The following ITK variants were observed in gnomAD, a reference collection of about 807,000 sequenced individuals.
The protein encoded by ITK is tyrosine-protein kinase ITK/TSK.
ITK carries 45 observed loss-of-function variants against 87.6 expected under a neutral mutation model. The ratio of observed to expected loss-of-function variants is 0.51; its 90% confidence interval spans 0.40 to 0.66. ITK has a LOEUF of 0.66. ITK is among the 30% of genes least tolerant of loss of function. The pLI, the probability that ITK is intolerant of heterozygous loss-of-function variation, is 0.00. For synonymous variants in ITK, 303 were observed against 273.6 expected, an observed-to-expected ratio of 1.11 and a Z score of -1.06; for missense variants, 605 against 766.3, an observed-to-expected ratio of 0.79 and a Z score of 2.48.
chr5:157,249,160 A>G (rs1432042460), intron 16 of ITK, among the ~76,000 whole-genome samples, 153 bp downstream of exon 16: 1 of 152,256 alleles, frequency 6.6e-6, no homozygotes, highest in Non-Finnish European at 1.5e-5. Context: ...TGTTAACGGG[A>G]TAGATCCCCC....
Position 157,224,301 on chromosome 5 carries a change from G to A in ITK, c.647+1287G>A, listed in dbSNP as rs906641934. 2.6e-5 allele frequency: 4 copies of A among 151,246 alleles called. No homozygotes were observed. The Middle Eastern group carries it at 0.014, about 518-fold the overall frequency. The allele number at this position is 151,246 out of a possible 1,614,324, so 9.4% of individuals were successfully genotyped here. A position where few individuals can be genotyped will look rare whatever the true frequency, so the allele number is the denominator to read the frequency against. On this transcript the variant is annotated intron_variant, in intron 6 of 16. Coordinates refer to ENST00000422843, the MANE Select transcript of ITK (RefSeq NM_005546.4). ...TCTGTCTCAAAAAAAAAAAAAAAGT[G>A]ATCACTATTAATACCTTCTTGTGTA...
At chr5:157,249,167 C>A in intron 16 of ITK, among the ~76,000 whole-genome samples, 160 bp downstream of exon 16, 1 of 152,174 alleles carries the variant, frequency 6.6e-6, no homozygotes, top group East Asian at 1.9e-4. Context: ...GGGATAGATC[C>A]CCCATCCCTA....
chr5:157,198,786 G>A (rs1168476644), intron 1 of ITK, among the ~76,000 whole-genome samples: 1 of 152,132 alleles, frequency 6.6e-6, no homozygotes, highest in East Asian at 1.9e-4. Flanking sequence ...TGTTTTGTTT[G>A]AGACAGTGTC....
At chr5:157,226,053 G>A (rs1283170985) in intron 6 of ITK, among the ~76,000 whole-genome samples, 1 of 152,176 alleles carries the variant, frequency 6.6e-6, no homozygotes, top group Non-Finnish European at 1.5e-5. Flanking sequence ...GTGGTATAGT[G>A]GAAAGCACAC....
chr5:157,214,801 A>G (rs1199743217), intron 4 of ITK, among the ~76,000 whole-genome samples: 1 of 152,096 alleles, frequency 6.6e-6, no homozygotes, highest in East Asian at 1.9e-4. Context: ...CACAAATTCA[A>G]CTCTATACCC....
rs546237558 is a variant in ITK, at chr5:157,248,569, A to G, written c.1634-281A>G. 3.3e-5 allele frequency among the ~76,000 whole-genome samples: 5 copies of G among 152,246 alleles called. No individual in the cohort carries two copies. In the East Asian group the frequency reaches 7.7e-4, roughly 24 times the overall value. On this transcript the variant is annotated intron_variant, in intron 15 of 16. Transcript: ENST00000422843. Reference sequence around the variant, plus strand: ...CACCTCCTGCACTCCATTCATTTACATCCTGCATCTTGGCATTTGAGTCTA... The same window carrying G: ...CACCTCCTGCACTCCATTCATTTACGTCCTGCATCTTGGCATTTGAGTCTA...
intron 3 of ITK, 115 bp downstream of exon 3, chr5:157,211,483 G>A: frequency 1.1e-6 from 1 of 928,862 alleles, no homozygotes; most frequent in Non-Finnish European, 1.7e-6. Flanking sequence ...TTTCTCTTTT[G>A]GGGTTGGTGG....
At chr5:157,240,393 A>G in intron 10 of ITK, 198 bp downstream of exon 10, 1 of 625,472 alleles carries the variant, frequency 1.6e-6, no homozygotes, top group South Asian at 1.8e-5. Context: ...TGATGATCTG[A>G]GATGGAACAG....
intron 1 of ITK, 40 bp downstream of exon 1, chr5:157,181,155 T>G (rs1410901443): frequency 1.2e-6 from 2 of 1,610,262 alleles, no homozygotes; most frequent in Non-Finnish European, 8.5e-7. Context: ...CGCATAGCAT[T>G]TTATGTTTGG....
intron 9 of ITK, 59 bp from the exon 10 acceptor site, chr5:157,240,003 T>A: frequency 1.3e-6 from 2 of 1,557,718 alleles, no homozygotes; most frequent in African/African-American, 1.4e-5. Context: ...CTCGTAGACT[T>A]TTTTGTGTCT....
chr5:157,227,359 T>C (rs1754552732), intron 6 of ITK, among the ~76,000 whole-genome samples: 1 of 152,234 alleles, frequency 6.6e-6, no homozygotes, highest in South Asian at 2.1e-4. Flanking sequence ...TTTATTATGT[T>C]TTTTGTTTAT....
chr5:157,234,049 C>T (rs913581324), intron 8 of ITK, among the ~76,000 whole-genome samples: 1 of 130,096 alleles, frequency 7.7e-6, no homozygotes, highest in South Asian at 2.8e-4. Flanking sequence ...GGCATGATCT[C>T]GGCTTACTGC....
intron 2 of ITK, among the ~76,000 whole-genome samples, chr5:157,209,885 C>G (rs1037203848): frequency 6.6e-6 from 1 of 151,888 alleles, no homozygotes; most frequent in East Asian, 1.9e-4. Context: ...AGCTACTGTA[C>G]TGAAACAGCA....
Position 157,243,697 on chromosome 5 carries a change from C to T in ITK, c.1135C>T (p.Leu379=), listed in dbSNP as rs1184590044. 1 of 1,613,770 alleles carries T rather than the reference C, an allele frequency of 6.2e-7. No homozygotes were observed. Among genetic ancestry groups the T allele is most frequent in the Non-Finnish European group, 8.5e-7 (1 of 1,179,910 alleles). Residue 379 remains leucine, a synonymous_variant, in exon 12 of 17, where the codon CTG becomes TTG. Transcript: ENST00000422843. The stretch of plus-strand genomic sequence containing the variant: ...CAGTGGGCAATTTGGGTTGGTGCAT[C>T]TGGGCTACTGGCTCAACAAGGACAA... The part of the protein sequence containing the change: ...IGSGQFGLVH[L]GYWLNKDKVA...
chr5:157,242,972 A>G (rs1754942801), intron 11 of ITK, among the ~76,000 whole-genome samples: 1 of 152,238 alleles, frequency 6.6e-6, no homozygotes, highest in African/African-American at 2.4e-5. Flanking sequence ...CTGGGGAAAG[A>G]GTGCCTCTTT....
At chr5:157,241,588 T>C in intron 10 of ITK, 58 bp from the exon 11 acceptor site, 5 of 1,157,772 alleles carry the variant, frequency 4.3e-6, no homozygotes, top group Non-Finnish European at 5.2e-6. Flanking sequence ...TGATTTAAGT[T>C]AGATGGTTGC....
intron 13 of ITK, chr5:157,245,245 A>T (rs866479970): frequency 5.4e-6 from 1 of 184,932 alleles, no homozygotes; most frequent in Non-Finnish European, 1.1e-5. Context: ...AAAAAAAAAA[A>T]TTGAGACACA....
chr5:157,245,516 T>G (rs1020811540), intron 13 of ITK: 4 of 621,918 alleles, frequency 6.4e-6, no homozygotes, highest in African/African-American at 3.7e-5. Flanking sequence ...ATAAACTTAC[T>G]CATCTTGATA....
rs375891139 is a variant in ITK, at chr5:157,222,962, T to C, written c.595T>C (p.Cys199Arg). Residue 199 changes from cysteine (C) to arginine (R), a missense_variant, in exon 6 of 17, where the codon TGC becomes CGC. Transcript: ENST00000422843. ...ELALRRNEEY[C>R]LLDSSEIHWW... is the part of the protein sequence containing the mutation. ...CGCACTGCGGCGCAACGAAGAGTACTGCCTGCTGGACAGTTCTGAGATTCA... is the reference window on the plus strand; with the variant it reads ...CGCACTGCGGCGCAACGAAGAGTACCGCCTGCTGGACAGTTCTGAGATTCA... 5 of 1,614,108 alleles carry C rather than the reference T, an allele frequency of 3.1e-6. No individual in the cohort carries two copies. The highest frequency in any genetic ancestry group is 4.2e-6 in the Non-Finnish European group (5 of 1,180,018).
Sources: allele counts gnomAD v4.1 joint callset (sites outside exome capture counted in the v4.1 genomes callset), GRCh38; gene constraint gnomAD v4.1.1; transcripts MANE v1.5; gene names NCBI Gene and HGNC (gene_info 2026-07-23, HGNC 2026-07-21).